Variants in WDFY4 observed in about 807,000 individuals in gnomAD.
WDFY4 encodes WD repeat- and FYVE domain-containing protein 4.
In WDFY4, 169 loss-of-function variants were observed where a neutral mutation model predicts 351.9. The observed-to-expected ratio is 0.48, with a 90% CI of 0.42 to 0.55. The LOEUF is 0.55. WDFY4 is among the 20% of genes least tolerant of loss of function. The probability of loss-of-function intolerance (pLI) is 0.00; values close to 1 mark genes in which losing one functional copy is unlikely to be tolerated. For synonymous variants in WDFY4, 1,622 were observed against 1,574.6 expected (o/e 1.03, Z -0.71); for missense variants, 3,803 against 3,935.6 (o/e 0.97, Z 0.90).
chr10:48,780,381 G>T (rs1389063182), intron 19 of WDFY4, among the ~76,000 whole-genome samples: 1 of 152,232 alleles, frequency 6.6e-6, no homozygotes, highest in Non-Finnish European at 1.5e-5. Flanking sequence ...TCTAAGAATA[G>T]TCATGTTCAT....
In WDFY4 at chr10:48,779,955, G is replaced by A. The variant is rs1398140561; in HGVS notation, c.3412G>A (p.Glu1138Lys). The stretch of plus-strand genomic sequence containing the variant: ...CTGTCTTCCAGATGTCATGGAACCT[G>A]AGGATGACTCCGAGCCTTCTGCAGG... ...EFQPLDVMEP[E>K]DDSEPSAGCQ... Residue 1138 changes from glutamate (E) to lysine (K), a missense_variant, in exon 19 of 62, where the codon GAG becomes AAG. This residue lies in a region of WDFY4 where 3,054 missense variants were observed against 3,148.6 expected (regional missense o/e 0.97). Transcript: ENST00000325239. 12 of 1,551,576 alleles carry A rather than the reference G, an allele frequency of 7.7e-6. No homozygotes were observed. The African/African-American group carries it at 9.6e-5, about 12-fold the overall frequency.
At chr10:48,809,950 T>C (rs2067392979) in intron 28 of WDFY4, among the ~76,000 whole-genome samples, 1 of 152,326 alleles carries the variant, frequency 6.6e-6, no homozygotes, top group Non-Finnish European at 1.5e-5. Context: ...GGCCAACCCA[T>C]TGGCCATTCA....
chr10:48,748,044 C>T (rs764535893), intron 12 of WDFY4, among the ~76,000 whole-genome samples: 4 of 152,214 alleles, frequency 2.6e-5, no homozygotes, highest in Non-Finnish European at 5.9e-5. Context: ...AGAATTCCCT[C>T]TCTGGGTTCC....
At position 48,798,571 on chromosome 10, in the gene WDFY4, G is replaced by A. The variant is rs150090549; in HGVS notation, c.4410+2121G>A. Reference sequence around the variant, plus strand: ...CTCATCGAAAATGTAAGTTTTCAGAGCGCACTCTAAAATGAATAAAAAACC... The same window carrying A: ...CTCATCGAAAATGTAAGTTTTCAGAACGCACTCTAAAATGAATAAAAAACC... On this transcript the variant is annotated intron_variant, in intron 24 of 61. Coordinates refer to ENST00000325239, the MANE Select transcript of WDFY4 (RefSeq NM_001394531.1). Among the ~76,000 whole-genome samples the A allele has an allele frequency of 1.7e-3, 263 of 152,236 alleles. 1 individual carries two copies. Among genetic ancestry groups the A allele is most frequent in the African/African-American group, 5.7e-3 (237 of 41,544 alleles).
intron 28 of WDFY4, among the ~76,000 whole-genome samples, chr10:48,808,867 C>A (rs139992652): frequency 6.6e-6 from 1 of 152,314 alleles, no homozygotes; most frequent in East Asian, 1.9e-4. Flanking sequence ...TCCCCAGGGA[C>A]CCAGAGGAGG....
intron 39 of WDFY4, among the ~76,000 whole-genome samples, chr10:48,857,887 G>A (rs959583550): frequency 4.6e-5 from 7 of 152,020 alleles, no homozygotes; most frequent in Middle Eastern, 3.2e-3. Flanking sequence ...CCACTGCCAG[G>A]TACAAGCGAT....
At chr10:48,841,929 A>C (rs1308767362) in intron 39 of WDFY4, among the ~76,000 whole-genome samples, 1 of 152,134 alleles carries the variant, frequency 6.6e-6, no homozygotes, top group East Asian at 1.9e-4. Context: ...CCTATCTTTT[A>C]ATAAAGCAGC....
rs79099016 is a variant in WDFY4 at position 48,731,429 on chromosome 10, C to T, written c.1449C>T (p.Thr483=). The T allele has an allele frequency of 6.4e-7, 1 of 1,551,740 alleles. No homozygotes were observed. Among genetic ancestry groups the T allele is most frequent in the East Asian group, 2.4e-5 (1 of 40,926 alleles). ...LIKESPGPSC[T]LMALQSILSI... is the part of the protein sequence containing the mutation. Reference sequence around the variant, plus strand: ...AGGAGAGCCCTGGGCCATCCTGCACCCTCATGGCCCTGCAGAGCATCCTCA... The same window carrying T: ...AGGAGAGCCCTGGGCCATCCTGCACTCTCATGGCCCTGCAGAGCATCCTCA... Residue 483 remains threonine, a synonymous_variant, in exon 9 of 62, where the codon ACC becomes ACT. Transcript: ENST00000325239.
At chr10:48,815,485 G>T (rs1257618365) in intron 31 of WDFY4, among the ~76,000 whole-genome samples, 4 of 151,800 alleles carry the variant, frequency 2.6e-5, no homozygotes, top group African/African-American at 9.7e-5. Context: ...TTGAGACAGG[G>T]TCTTGCTCTG....
At position 48,901,787 on chromosome 10, in the gene WDFY4, C is replaced by T; in HGVS notation, c.7524-14C>T. The stretch of plus-strand genomic sequence containing the variant: ...GACTCTGCTGATGGAATTATCCCTT[C>T]CCTTTTCATGTAGCTTCTGCTCTTT... On this transcript the variant is annotated splice_polypyrimidine_tract_variant and intron_variant, in intron 46 of 61. Transcript: ENST00000325239. The T allele has an allele frequency of 6.4e-7, 1 of 1,551,454 alleles. No homozygotes were observed. Among genetic ancestry groups the T allele is most frequent in the Non-Finnish European group, 8.7e-7 (1 of 1,146,782 alleles).
At chr10:48,787,714 C>T (rs893342931) in intron 20 of WDFY4, among the ~76,000 whole-genome samples, 2 of 152,086 alleles carry the variant, frequency 1.3e-5, no homozygotes, top group Non-Finnish European at 1.5e-5. Flanking sequence ...TAGTTTCGCA[C>T]CTGGAGTGCA....
chr10:48,853,836 A>G (rs750576823), intron 39 of WDFY4, among the ~76,000 whole-genome samples: 10 of 152,148 alleles, frequency 6.6e-5, no homozygotes, highest in Non-Finnish European at 1.5e-4. Flanking sequence ...GCTCATAGCT[A>G]TCTGTCTGTT....
chr10:48,760,325 C>CT (rs760380359), intron 12 of WDFY4, 22 bp from the exon 13 acceptor site: 2 of 1,549,718 alleles, frequency 1.3e-6, no homozygotes, highest in South Asian at 2.4e-5. Context: ...TGTCTCATGT[C>CT]TGGCTCTCCC....
rs1039196827 is a variant in WDFY4 at position 48,733,107 on chromosome 10, T to C, written c.1583-824T>C. Among the ~76,000 whole-genome samples, 5 of 152,270 alleles carry C rather than the reference T, an allele frequency of 3.3e-5. 1 individual carries two copies. Among genetic ancestry groups the C allele is most frequent in the African/African-American group, 9.6e-5 (4 of 41,476 alleles). On this transcript the variant is annotated intron_variant, in intron 9 of 61. Transcript: ENST00000325239. ...CTTTGTTTGGTGGTTCTGTCTTATC[T>C]TAGCTGGTATTTCTTTTCAGCAGCC...
At chr10:48,848,911 C>G (rs1035697684) in intron 39 of WDFY4, among the ~76,000 whole-genome samples, 2 of 152,260 alleles carry the variant, frequency 1.3e-5, no homozygotes, top group African/African-American at 4.8e-5. Context: ...CCCTCATCCT[C>G]TTAGCCAGCT....
At chr10:48,702,524 G>A (rs77045996) in intron 1 of WDFY4, among the ~76,000 whole-genome samples, 2,071 of 152,280 alleles carry the variant, frequency 0.014, 57 homozygotes, top group African/African-American at 0.047. Flanking sequence ...CTGACAGAAG[G>A]CCTTTGAGAT....
At chr10:48,960,927 GGA>G (rs1451550125) in intron 53 of WDFY4, among the ~76,000 whole-genome samples, 1 of 152,192 alleles carries the variant, frequency 6.6e-6, no homozygotes, top group Non-Finnish European at 1.5e-5. Context: ...ATCTGAAGTA[GGA>G]GAGTGACCAC....
intron 47 of WDFY4, chr10:48,910,102 C>T: frequency 1.3e-6 from 1 of 792,596 alleles, no homozygotes; most frequent in Non-Finnish European, 2.2e-6. Flanking sequence ...AAGTCGGTGG[C>T]TTGGCCAGCT....
intron 48 of WDFY4, among the ~76,000 whole-genome samples, chr10:48,942,296 C>T (rs1564516083): frequency 6.6e-6 from 1 of 152,186 alleles, no homozygotes; most frequent in African/African-American, 2.4e-5. Context: ...ACCAAAATGT[C>T]TCAGACATTT....
Sources: allele counts gnomAD v4.1 joint callset (sites outside exome capture counted in the v4.1 genomes callset), GRCh38; gene constraint gnomAD v4.1.1; regional missense constraint gnomAD v4.1.1; transcripts MANE v1.5; gene names NCBI Gene and HGNC (gene_info 2026-07-23, HGNC 2026-07-21).